The following R3HDM1 variants were observed in gnomAD, a reference collection of about 807,000 sequenced individuals.
The protein encoded by R3HDM1 is R3H domain-containing protein 1.
In R3HDM1, 46 loss-of-function variants were observed where a neutral mutation model predicts 141.1. The observed-to-expected ratio is 0.33, with a 90% CI of 0.26 to 0.42. The LOEUF is 0.42. Ranked by LOEUF, R3HDM1 falls within the 10% of genes least tolerant of loss-of-function variation. R3HDM1 has a pLI of 1.00. For missense variants in R3HDM1, 1,184 were observed against 1,368.3 expected (o/e 0.87, Z 2.12); for synonymous variants, 435 against 472.9 (o/e 0.92, Z 1.04).
chr2:135,714,025 C>T (rs916870452), intron 23 of R3HDM1, among the ~76,000 whole-genome samples: 5 of 151,972 alleles, frequency 3.3e-5, no homozygotes, highest in East Asian at 3.9e-4. Context: ...ACCAAGAAAA[C>T]CATCAGGCAA....
chr2:135,691,915 C>CT (rs969751729), intron 21 of R3HDM1, among the ~76,000 whole-genome samples: 39 of 148,990 alleles, frequency 2.6e-4, no homozygotes, highest in Non-Finnish European at 4.2e-4. Context: ...TTGTTTGTTT[C>CT]TTTTTTTTTT....
chr2:135,539,106 T>G (rs1696890383), intron 1 of R3HDM1, among the ~76,000 whole-genome samples: 1 of 152,230 alleles, frequency 6.6e-6, no homozygotes, highest in Non-Finnish European at 1.5e-5. Flanking sequence ...TCTGTCATCT[T>G]GATGTTAATG....
At chr2:135,709,589 G>T in intron 22 of R3HDM1, 53 bp downstream of exon 22, 2 of 1,594,632 alleles carry the variant, frequency 1.3e-6, no homozygotes, top group South Asian at 2.2e-5. Context: ...GAAATAGTTC[G>T]ATTACTTTCC....
At chr2:135,672,573 C>A (rs1338777312) in intron 19 of R3HDM1, among the ~76,000 whole-genome samples, 1 of 152,096 alleles carries the variant, frequency 6.6e-6, no homozygotes, top group East Asian at 1.9e-4. Context: ...CTAAAACTGC[C>A]TAATTTCAAA....
At chr2:135,693,004 C>T (rs1471678224) in intron 21 of R3HDM1, among the ~76,000 whole-genome samples, 1 of 151,908 alleles carries the variant, frequency 6.6e-6, no homozygotes, top group Non-Finnish European at 1.5e-5. Flanking sequence ...GATCTAAGGT[C>T]GGCAGACTTT....
intron 21 of R3HDM1, among the ~76,000 whole-genome samples, chr2:135,694,654 C>T (rs1430482947): frequency 6.6e-6 from 1 of 152,302 alleles, no homozygotes; most frequent in African/African-American, 2.4e-5. Context: ...TTCCCAGACA[C>T]AGCTCAGGGA....
intron 5 of R3HDM1, among the ~76,000 whole-genome samples, chr2:135,618,714 C>T (rs1251949411): frequency 6.6e-6 from 1 of 151,812 alleles, no homozygotes; most frequent in Non-Finnish European, 1.5e-5. Flanking sequence ...TTTTTTGAAA[C>T]AGCACTTTTA....
At position 135,635,615 on chromosome 2, in the gene R3HDM1, C is replaced by T. The variant is rs113945935; in HGVS notation, c.699-275C>T. Among the ~76,000 whole-genome samples the T allele has an allele frequency of 1.3e-3, 205 of 152,274 alleles. 2 individuals carry two copies. The highest frequency in any genetic ancestry group is 4.3e-3 in the African/African-American group (180 of 41,558). On this transcript the variant is annotated intron_variant, in intron 9 of 26. Transcript: ENST00000683871. ...TAAGTAACTTGTGCAAGTCATAAAG[C>T]AGCTAAAGTGCTAAAGCTCAACCTT...
intron 3 of R3HDM1, chr2:135,607,416 C>A: frequency 1.2e-6 from 1 of 812,960 alleles, no homozygotes; most frequent in Non-Finnish European, 1.5e-6. Flanking sequence ...AGCATTTAGG[C>A]CCCACTTATA....
intron 1 of R3HDM1, among the ~76,000 whole-genome samples, chr2:135,579,676 G>A (rs1706344615): frequency 6.6e-6 from 1 of 151,806 alleles, no homozygotes; most frequent in Admixed American, 6.6e-5. Context: ...CCAGCGTCAT[G>A]TGTTCCCTGA....
chr2:135,710,084 G>A lies in R3HDM1; in HGVS notation c.2589G>A (p.Gly863=), dbSNP rs751763286. Residue 863 remains glycine, a synonymous_variant, in exon 23 of 27, where the codon GGG becomes GGA. Coordinates refer to ENST00000683871, the MANE Select transcript of R3HDM1 (RefSeq NM_001378107.1). ...CTAGPPPPPG[G]GMVMMQLSVP... ...CTGGACCACCACCGCCACCTGGTGG[G>A]GGGATGGTGATGATGCAGCTCAGTG... is the stretch of plus-strand genomic sequence containing the variant. 1.9e-6 allele frequency: 3 copies of A among 1,613,732 alleles called. No homozygotes were observed. The highest frequency in any genetic ancestry group is 2.2e-5 in the East Asian group (1 of 44,902).
intron 21 of R3HDM1, among the ~76,000 whole-genome samples, chr2:135,688,113 C>G (rs1415157400): frequency 6.6e-6 from 1 of 152,210 alleles, no homozygotes; most frequent in Non-Finnish European, 1.5e-5. Context: ...CTCCCTGTTT[C>G]AGTTCTTCTA....
rs373124322 is a variant in R3HDM1 at position 135,599,483 on chromosome 2, T to G, written c.-249-3017T>G. On this transcript the variant is annotated intron_variant, in intron 1 of 26. Coordinates refer to ENST00000683871, the MANE Select transcript of R3HDM1 (RefSeq NM_001378107.1). ...AAGTTCCTAAGTATCTTTCACTTACTGTACAACTATTTATTATATTAAGAC... is the reference window on the plus strand; with the variant it reads ...AAGTTCCTAAGTATCTTTCACTTACGGTACAACTATTTATTATATTAAGAC... Among the ~76,000 whole-genome samples, 5 of 152,242 alleles carry G rather than the reference T, an allele frequency of 3.3e-5. No homozygotes were observed. In the South Asian group the frequency reaches 1.0e-3, roughly 32 times the overall value.
intron 19 of R3HDM1, chr2:135,667,121 G>C: frequency 1.1e-6 from 1 of 929,310 alleles, no homozygotes; most frequent in Non-Finnish European, 1.3e-6. Context: ...TGCTAGTTCA[G>C]ATCACCTATA....
chr2:135,710,100 C>G lies in R3HDM1; in HGVS notation c.2605C>G (p.Gln869Glu), dbSNP rs2075446793. Residue 869 changes from glutamine to glutamate, a missense_variant, in exon 23 of 27, where the codon CAG becomes GAG. Gln to Glu is a conservative substitution (Grantham distance 29). Around this residue, in one of 5 missense-constraint regions of R3HDM1, gnomAD observed 563 missense variants for 562.0 expected, o/e 1.00. Coordinates refer to ENST00000683871, the MANE Select transcript of R3HDM1 (RefSeq NM_001378107.1). The stretch of plus-strand genomic sequence containing the variant: ...ACCTGGTGGGGGGATGGTGATGATG[C>G]AGCTCAGTGTACCAAACAATCCACA... ...PPPGGGMVMM[Q>E]LSVPNNPQSC... The G allele has an allele frequency of 6.2e-7, 1 of 1,613,982 alleles. No individual in the cohort carries two copies. The highest frequency in any genetic ancestry group is 1.3e-5 in the African/African-American group (1 of 74,908).
At chr2:135,670,348 C>A in intron 19 of R3HDM1, 1 of 984,114 alleles carries the variant, frequency 1.0e-6, no homozygotes, top group Non-Finnish European at 1.2e-6. Context: ...TATTTTTTGT[C>A]CTTTTAGCTA....
intron 1 of R3HDM1, among the ~76,000 whole-genome samples, chr2:135,584,814 A>G (rs899776662): frequency 6.6e-6 from 1 of 152,250 alleles, no homozygotes; most frequent in African/African-American, 2.4e-5. Context: ...TGTTTTTGCT[A>G]CAGTGTAAGT....
At position 135,663,134 on chromosome 2, in the gene R3HDM1, CAAA is replaced by C. The variant is rs555551580; in HGVS notation, c.2152+1760_2152+1762del. Reference sequence around the variant, plus strand: ...TGTGCTAGTATATATGCCTCTCTGCCAAAAAAAAAAAAAAAAAAAAATATGACA... The same window carrying C: ...TGTGCTAGTATATATGCCTCTCTGCCAAAAAAAAAAAAAAAAAATATGACA... On this transcript the variant is annotated intron_variant, in intron 19 of 26. Transcript: ENST00000683871. Among the ~76,000 whole-genome samples, 161 of 90,874 alleles carry C rather than the reference CAAA, an allele frequency of 1.8e-3. 2 individuals are homozygous for C. The highest frequency in any genetic ancestry group is 7.6e-3 in the South Asian group (26 of 3,418). 59.6% of individuals were successfully genotyped at this position (90,874 alleles called of 152,430 possible). A position where few individuals can be genotyped will look rare whatever the true frequency, so the allele number is the denominator to read the frequency against.
At chr2:135,630,141 G>A (rs2062506638) in intron 7 of R3HDM1, among the ~76,000 whole-genome samples, 1 of 151,366 alleles carries the variant, frequency 6.6e-6, no homozygotes, top group African/African-American at 2.4e-5. Context: ...GTCTGGCGTG[G>A]TGGTGCATGC....
Sources: allele counts gnomAD v4.1 joint callset (sites outside exome capture counted in the v4.1 genomes callset), GRCh38; gene constraint gnomAD v4.1.1; regional missense constraint gnomAD v4.1.1; transcripts MANE v1.5; gene names NCBI Gene and HGNC (gene_info 2026-07-23, HGNC 2026-07-21).